GRIK2: variants seen among roughly 807,000 people sequenced by gnomAD.
GRIK2 encodes the protein glutamate receptor ionotropic, kainate 2.
GRIK2 carries 32 observed loss-of-function variants against 100.3 expected under a neutral mutation model. The ratio of observed to expected loss-of-function variants is 0.32; its 90% CI spans 0.24 to 0.43. The LOEUF (loss-of-function observed/expected upper bound fraction) is 0.43, where lower values mean the gene tolerates loss of function less well. GRIK2 is among the 20% of genes least tolerant of loss of function. The pLI is 1.00. For missense variants in GRIK2, 843 were observed against 1,114.9 expected, an observed-to-expected ratio of 0.76 and a Z score of 3.47; for synonymous variants, 417 against 389.4, an observed-to-expected ratio of 1.07 and a Z score of -0.83.
chr6:101,600,311 T>C (rs1187977301), intron 2 of GRIK2, among the ~76,000 whole-genome samples: 1 of 151,944 alleles, frequency 6.6e-6, no homozygotes, highest in African/African-American at 2.4e-5. Flanking sequence ...AGCCTTATAG[T>C]ACAGATTGAA....
chr6:101,748,246 C>T (rs1346175483), intron 7 of GRIK2, among the ~76,000 whole-genome samples: 1 of 152,088 alleles, frequency 6.6e-6, no homozygotes, highest in Admixed American at 6.6e-5. Context: ...GACTAAGATG[C>T]ATTCTCTGTT....
chr6:101,551,389 A>G (rs2128292546), intron 2 of GRIK2, among the ~76,000 whole-genome samples: 1 of 152,244 alleles, frequency 6.6e-6, no homozygotes, highest in South Asian at 2.1e-4. Flanking sequence ...TGCATAATTT[A>G]TTATACTATT....
chr6:101,650,552 C>G (rs899484480), intron 4 of GRIK2, among the ~76,000 whole-genome samples: 2 of 152,108 alleles, frequency 1.3e-5, no homozygotes, highest in Non-Finnish European at 2.9e-5. Context: ...AAAGTCAGGT[C>G]AAGCCCCAAG....
intron 2 of GRIK2, among the ~76,000 whole-genome samples, chr6:101,491,042 A>G (rs896591105): frequency 6.8e-6 from 1 of 146,138 alleles, no homozygotes; most frequent in African/African-American, 2.6e-5. Flanking sequence ...ACAGGTGTCT[A>G]CCACTCCTTG....
At chr6:101,394,178 A>G (rs1774911294) in intron 1 of GRIK2, among the ~76,000 whole-genome samples, 1 of 152,216 alleles carries the variant, frequency 6.6e-6, no homozygotes, top group Non-Finnish European at 1.5e-5. Flanking sequence ...AGAATGAGAC[A>G]GATGGCAAGA....
At chr6:101,524,928 T>C (rs1429809239) in intron 2 of GRIK2, among the ~76,000 whole-genome samples, 5 of 152,068 alleles carry the variant, frequency 3.3e-5, no homozygotes, top group Admixed American at 6.5e-5. Flanking sequence ...AGATGGGGTT[T>C]CCCCATGTTG....
intron 7 of GRIK2, among the ~76,000 whole-genome samples, chr6:101,694,034 G>A (rs1044609802): frequency 6.6e-6 from 1 of 152,114 alleles, no homozygotes; most frequent in Non-Finnish European, 1.5e-5. Context: ...ACCCAGAAGA[G>A]GTGATGCCCA....
At chr6:101,838,720 C>T (rs1474410912) in intron 10 of GRIK2, among the ~76,000 whole-genome samples, 1 of 150,184 alleles carries the variant, frequency 6.7e-6, no homozygotes, top group Non-Finnish European at 1.5e-5. Context: ...GGTGCGATCT[C>T]GGCTCACTGC....
At chr6:101,424,063 G>T (rs973909198) in intron 2 of GRIK2, among the ~76,000 whole-genome samples, 3 of 152,046 alleles carry the variant, frequency 2.0e-5, no homozygotes, top group Non-Finnish European at 4.4e-5. Context: ...GTATTTGGGG[G>T]TTGTTACTAT....
At chr6:101,790,373 T>C (rs982666607) in intron 7 of GRIK2, among the ~76,000 whole-genome samples, 2 of 152,316 alleles carry the variant, frequency 1.3e-5, no homozygotes, top group Admixed American at 1.3e-4. Context: ...TATTTTGAGA[T>C]ACGTCACATC....
rs145889373 is a variant in GRIK2 at position 101,865,196 on chromosome 6, G to A, written c.1524+5703G>A. On this transcript the variant is annotated intron_variant, in intron 11 of 16. Transcript: ENST00000369134. Reference sequence around the variant, plus strand: ...ACAACTATAGTAAAATGGGAAGTCTGTTGGAATCTAATTCAGTATTTTACA... The same window carrying A: ...ACAACTATAGTAAAATGGGAAGTCTATTGGAATCTAATTCAGTATTTTACA... Among the ~76,000 whole-genome samples, 139 of 152,328 alleles carry A rather than the reference G, an allele frequency of 9.1e-4. 2 individuals carry two copies. In the Middle Eastern group the frequency reaches 0.01, roughly 11 times the overall value.
chr6:102,049,971 C>A (rs1209562360), intron 15 of GRIK2, among the ~76,000 whole-genome samples: 1 of 151,894 alleles, frequency 6.6e-6, no homozygotes, highest in South Asian at 2.1e-4. Flanking sequence ...GCTGTGCAAC[C>A]TTTAAAGAAA....
intron 14 of GRIK2, among the ~76,000 whole-genome samples, chr6:101,931,990 C>A (rs1403277705): frequency 6.6e-6 from 1 of 152,032 alleles, no homozygotes; most frequent in South Asian, 2.1e-4. Flanking sequence ...ATTCTTTTCT[C>A]CCTGAAGTAT....
intron 14 of GRIK2, among the ~76,000 whole-genome samples, chr6:101,979,289 T>A (rs1426611528): frequency 6.6e-6 from 1 of 151,944 alleles, no homozygotes; most frequent in Non-Finnish European, 1.5e-5. Flanking sequence ...CATGAGATTT[T>A]AAAGCATGTT....
intron 7 of GRIK2, among the ~76,000 whole-genome samples, chr6:101,773,590 AC>A (rs1188165781): frequency 6.6e-6 from 1 of 152,118 alleles, no homozygotes; most frequent in African/African-American, 2.4e-5. Flanking sequence ...TATTTAAAAA[AC>A]AAAACCAAAA....
intron 11 of GRIK2, chr6:101,860,987 A>G (rs1369548633): frequency 1.6e-5 from 11 of 707,546 alleles, no homozygotes; most frequent in African/African-American, 1.9e-5. Flanking sequence ...CCACTTTCCC[A>G]TACTCGGTAG....
chr6:102,066,808 T>C (rs965670345), intron 16 of GRIK2, among the ~76,000 whole-genome samples: 2 of 151,724 alleles, frequency 1.3e-5, no homozygotes, highest in African/African-American at 4.8e-5. Flanking sequence ...ATTTTAAAAA[T>C]AGATTATCCG....
chr6:101,455,958 A>G (rs1409065026), intron 2 of GRIK2, among the ~76,000 whole-genome samples: 2 of 152,076 alleles, frequency 1.3e-5, no homozygotes, highest in African/African-American at 2.4e-5. Context: ...TTAAACAGCT[A>G]GTAGTTTTTC....
chr6:101,460,238 G>T (rs1044155755), intron 2 of GRIK2, among the ~76,000 whole-genome samples: 1 of 152,100 alleles, frequency 6.6e-6, no homozygotes, highest in African/African-American at 2.4e-5. Context: ...AATCTCTCAA[G>T]CAGTGTGTCA....
Sources: allele counts gnomAD v4.1 joint callset (sites outside exome capture counted in the v4.1 genomes callset), GRCh38; gene constraint gnomAD v4.1.1; transcripts MANE v1.5; gene names NCBI Gene and HGNC (gene_info 2026-07-23, HGNC 2026-07-21).